GMDS: variants seen among roughly 807,000 people sequenced by gnomAD.
The protein encoded by GMDS is GDP-mannose 4,6 dehydratase.
In GMDS, 20 loss-of-function variants were observed where a neutral mutation model predicts 49.9. That is an observed-to-expected ratio of 0.40 (90% CI 0.28 to 0.58). GMDS has a LOEUF of 0.58. Among genes scored for constraint, GMDS ranks in the 20% least tolerant of loss-of-function variants. The probability of loss-of-function intolerance (pLI) is 0.42; values close to 1 mark genes in which losing one functional copy is unlikely to be tolerated. For missense variants in GMDS, 362 were observed against 481.4 expected, an observed-to-expected ratio of 0.75 and a Z score of 2.32; for synonymous variants, 177 against 178.6, an observed-to-expected ratio of 0.99 and a Z score of 0.07.
chr6:2,224,144 G>A (rs1397408404), intron 1 of GMDS, among the ~76,000 whole-genome samples: 1 of 152,168 alleles, frequency 6.6e-6, no homozygotes, highest in Non-Finnish European at 1.5e-5. Context: ...GGGTAGGATG[G>A]GGAAAGCAAC....
At chr6:2,065,431 T>C (rs1369747132) in intron 4 of GMDS, among the ~76,000 whole-genome samples, 1 of 152,206 alleles carries the variant, frequency 6.6e-6, no homozygotes, top group Non-Finnish European at 1.5e-5. Flanking sequence ...GAGAATGACT[T>C]TGACGAGCTG....
At chr6:1,758,203 T>C (rs1442050073) in intron 7 of GMDS, among the ~76,000 whole-genome samples, 1 of 152,216 alleles carries the variant, frequency 6.6e-6, no homozygotes, top group African/African-American at 2.4e-5. Flanking sequence ...GGAGAAGGCC[T>C]CCTCATTTTC....
chr6:2,124,605 A>G (rs1775315886), intron 2 of GMDS, 82 bp downstream of exon 2: 1 of 991,202 alleles, frequency 1.0e-6, no homozygotes, highest in Non-Finnish European at 1.6e-6. Flanking sequence ...CACACTCAGG[A>G]GGACGGCAGC....
intron 7 of GMDS, among the ~76,000 whole-genome samples, chr6:1,878,184 G>C (rs376131886): frequency 6.6e-6 from 1 of 151,754 alleles, no homozygotes. Context: ...GCGTGGTGGC[G>C]GGCACCTGTA....
At chr6:2,232,237 T>C (rs1358733328) in intron 1 of GMDS, among the ~76,000 whole-genome samples, 1 of 152,068 alleles carries the variant, frequency 6.6e-6, no homozygotes, top group Non-Finnish European at 1.5e-5. Flanking sequence ...CTAGCCACCA[T>C]ATATCAATCT....
intron 7 of GMDS, among the ~76,000 whole-genome samples, chr6:1,760,362 G>A (rs1374427771): frequency 1.3e-5 from 2 of 152,192 alleles, no homozygotes. Context: ...GAGCTCCAGG[G>A]GGGATAAGTC....
intron 1 of GMDS, among the ~76,000 whole-genome samples, chr6:2,210,665 C>A (rs1173868668): frequency 2.0e-5 from 3 of 152,318 alleles, no homozygotes; most frequent in African/African-American, 7.2e-5. Context: ...AAGAGACAGA[C>A]AGAGGTGGGC....
intron 7 of GMDS, among the ~76,000 whole-genome samples, chr6:1,847,081 CG>C (rs1261088184): frequency 6.6e-6 from 1 of 152,068 alleles, no homozygotes; most frequent in African/African-American, 2.4e-5. Flanking sequence ...AAATAAAAGA[CG>C]GTCTTGCTCT....
At chr6:2,240,373 T>C (rs2479015) in intron 1 of GMDS, among the ~76,000 whole-genome samples, 87,823 of 152,066 alleles carry the variant, frequency 0.58, 28,372 homozygotes, top group African/African-American at 0.84. Context: ...TATGTGCAGA[T>C]TTATTTCCTA....
chr6:1,652,654 T>TA (rs1491493662), intron 9 of GMDS, among the ~76,000 whole-genome samples: 1 of 6,246 alleles, frequency 1.6e-4, no homozygotes, highest in African/African-American at 4.7e-4. Flanking sequence ...ATATATATTA[T>TA]TTATATATAA....
intron 6 of GMDS, among the ~76,000 whole-genome samples, chr6:1,935,752 C>T (rs991728096): frequency 2.1e-4 from 32 of 152,140 alleles, no homozygotes; most frequent in Non-Finnish European, 1.0e-4. Flanking sequence ...CCTAAACACT[C>T]GTTGGATTGA....
intron 1 of GMDS, among the ~76,000 whole-genome samples, chr6:2,159,264 C>T (rs1431048175): frequency 6.6e-6 from 1 of 152,092 alleles, no homozygotes; most frequent in Non-Finnish European, 1.5e-5. Flanking sequence ...GTCAGAAATC[C>T]TCAGATAACT....
chr6:1,677,676 C>T (rs534101814), intron 9 of GMDS, among the ~76,000 whole-genome samples: 1 of 151,766 alleles, frequency 6.6e-6, no homozygotes, highest in South Asian at 2.1e-4. Context: ...AACCATCATT[C>T]TGAGCAAACG....
In GMDS at chr6:1,778,084, G is replaced by A. The variant is rs573926177; in HGVS notation, c.772-35498C>T. Among the ~76,000 whole-genome samples, 2 of 152,246 alleles carry A rather than the reference G, an allele frequency of 1.3e-5. No individual in the cohort carries two copies. Among genetic ancestry groups the A allele is most frequent in the Non-Finnish European group, 2.9e-5 (2 of 68,012 alleles). On this transcript the variant is annotated intron_variant, in intron 7 of 10. Transcript: ENST00000380815. This position sits in a 1 kb window ranked among gnomAD's most constrained non-coding sequence, Gnocchi z 4.6. ...GCATTAAAAAAAGAAGCTGAAAAAT[G>A]GAACTTTGTTTTATTTTGATAGAGT...
intron 7 of GMDS, among the ~76,000 whole-genome samples, chr6:1,926,975 TCA>T (rs1762036601): frequency 9.6e-6 from 1 of 104,560 alleles, no homozygotes; most frequent in African/African-American, 3.1e-5. Flanking sequence ...AAATTTTTAT[TCA>T]GAGGGTAGCG....
intron 7 of GMDS, among the ~76,000 whole-genome samples, chr6:1,869,454 C>T (rs764357562): frequency 2.0e-5 from 3 of 152,080 alleles, no homozygotes; most frequent in Non-Finnish European, 4.4e-5. Flanking sequence ...GGCATGGGGT[C>T]ATTCTTTCAA....
At chr6:1,883,328 C>T (rs962412643) in intron 7 of GMDS, among the ~76,000 whole-genome samples, 4 of 151,934 alleles carry the variant, frequency 2.6e-5, no homozygotes, top group Non-Finnish European at 4.4e-5. Flanking sequence ...GAGGCGGAGG[C>T]TGCAGTGAGC....
intron 6 of GMDS, among the ~76,000 whole-genome samples, chr6:1,936,795 C>A (rs1762568713): frequency 6.6e-6 from 1 of 151,980 alleles, no homozygotes; most frequent in Non-Finnish European, 1.5e-5. Flanking sequence ...GGTAAAACCT[C>A]ATCTCTACTA....
chr6:2,243,840 CTTCTTT>C lies in GMDS; in HGVS notation c.102+1475_102+1480del, dbSNP rs1419780290. 2.3e-3 allele frequency among the ~76,000 whole-genome samples: 293 copies of C among 127,124 alleles called. 4 individuals carry two copies. Among genetic ancestry groups the C allele is most frequent in the African/African-American group, 9.3e-3 (271 of 29,192 alleles). 83.4% of individuals were successfully genotyped at this position (127,124 alleles called of 152,430 possible). A position where few individuals can be genotyped will look rare whatever the true frequency, so the allele number is the denominator to read the frequency against. On this transcript the variant is annotated intron_variant, in intron 1 of 10. Transcript: ENST00000380815. ...TGCATCTGGCCAATTTCAACTTCTC[CTTCTTT>C]TTTTTTTTTTTTTTTTTTTTTTTTT...
Sources: gnomAD v4.1 joint callset for allele counts (sites outside exome capture counted in the v4.1 genomes callset) on GRCh38, gnomAD v4.1.1 for gene constraint, Gnocchi (gnomAD v3.1) non-coding constraint, MANE v1.5 for transcripts, NCBI Gene and HGNC (gene_info 2026-07-23, HGNC 2026-07-21) for gene names.